FGFR3: variants seen among roughly 807,000 people sequenced by gnomAD.
FGFR3 encodes the protein FGFR-3.
FGFR3 carries 25 observed loss-of-function variants against 82.9 expected under a neutral mutation model. The ratio of observed to expected loss-of-function variants is 0.30; its 90% CI spans 0.22 to 0.42. FGFR3 has a LOEUF of 0.42. Ranked by LOEUF, FGFR3 falls within the 10% of genes least tolerant of loss-of-function variation. FGFR3 has a pLI of 1.00. For missense variants in FGFR3, 1,026 were observed against 1,161.0 expected, an observed-to-expected ratio of 0.88 and a Z score of 1.69; for synonymous variants, 620 against 516.0, an observed-to-expected ratio of 1.20 and a Z score of -2.73.
rs760018855 is a variant in FGFR3 at position 1,805,487 on chromosome 4, G to A, written c.1534+11G>A. ...TGAAGATGCTGAAAGGTGAGGAGGGGGCGGCCAGGGGTGCAGAGCAGGGCT... is the reference window on the plus strand; with the variant it reads ...TGAAGATGCTGAAAGGTGAGGAGGGAGCGGCCAGGGGTGCAGAGCAGGGCT... On this transcript the variant is annotated intron_variant, in intron 11 of 17. Coordinates refer to ENST00000440486, the MANE Select transcript of FGFR3 (RefSeq NM_000142.5). 12 of 1,611,982 alleles carry A rather than the reference G, an allele frequency of 7.4e-6. No individual in the cohort carries two copies. In the East Asian group the frequency reaches 2.2e-4, roughly 30 times the overall value.
At chr4:1,799,591 G>C in intron 3 of FGFR3, 68 bp downstream of exon 3, 1 of 1,548,682 alleles carries the variant, frequency 6.5e-7, no homozygotes, top group Non-Finnish European at 8.7e-7. Context: ...CCCTGCGTGG[G>C]TCAGGAGCGG....
chr4:1,804,400 C>G lies in FGFR3; in HGVS notation c.1146C>G (p.Gly382=), dbSNP rs762689187. The G allele has an allele frequency of 6.2e-7, 1 of 1,613,116 alleles. No homozygotes were observed. The highest frequency in any genetic ancestry group is 1.3e-5 in the African/African-American group (1 of 75,038). The part of the protein sequence containing the change: ...VYAGILSYGV[G]FFLFILVVAA... ...CAGGCATCCTCAGCTACGGGGTGGG[C>G]TTCTTCCTGTTCATCCTGGTGGTGG... is the stretch of plus-strand genomic sequence containing the variant. Residue 382 remains glycine (G), a synonymous_variant, in exon 9 of 18, where the codon GGC becomes GGG. Transcript: ENST00000440486.
chr4:1,797,080 G>GGT (rs1007159056), intron 2 of FGFR3, among the ~76,000 whole-genome samples: 1 of 152,190 alleles, frequency 6.6e-6, no homozygotes, highest in African/African-American at 2.4e-5. Flanking sequence ...CCCCGCCTTG[G>GGT]GTACAGCAGG....
chr4:1,807,255 G>A lies in FGFR3; in HGVS notation c.2414G>A (p.Arg805Gln), dbSNP rs754152095. The stretch of plus-strand genomic sequence containing the variant: ...GCCCCACCCAGCAGTGGGGGCTCGC[G>A]GACGTGAAGGGCCACTGGTCCCCAA... ...PPAPPSSGGS[R>Q]T The change falls in exon 18 of 18, where the codon CGG (arginine) becomes CAG (glutamine). Residue 805 changes from arginine (R) to glutamine (Q), a missense_variant. By Grantham distance (43) the Arg-to-Gln change is conservative. Around this residue, in one of 9 missense-constraint regions of FGFR3, gnomAD observed 155 missense variants for 150.2 expected, o/e 1.03. Transcript: ENST00000440486. The A allele has an allele frequency of 1.9e-5, 30 of 1,599,446 alleles. No homozygotes were observed. The highest frequency in any genetic ancestry group is 4.0e-5 in the African/African-American group (3 of 74,626).
chr4:1,805,873 C>T lies in FGFR3; in HGVS notation c.1769C>T (p.Thr590Ile). ...DTCKPPEEQLTFKDLVSCAYQ... is the reference protein window; with the variant it reads ...DTCKPPEEQLIFKDLVSCAYQ... ...TGCAAGCCGCCCGAGGAGCAGCTCA[C>T]CTTCAAGGACCTGGTGTCCTGTGCC... Residue 590 changes from threonine to isoleucine, a missense_variant, in exon 13 of 18, where the codon ACC becomes ATC. Thr to Ile is a moderately conservative substitution (Grantham distance 89, BLOSUM62 -1). Transcript: ENST00000440486. The T allele has an allele frequency of 1.9e-6, 3 of 1,612,774 alleles. No homozygotes were observed. The highest frequency in any genetic ancestry group is 1.1e-5 in the South Asian group (1 of 91,044).
intron 2 of FGFR3, among the ~76,000 whole-genome samples, chr4:1,794,380 C>G (rs1375894348): frequency 2.0e-5 from 3 of 152,146 alleles, no homozygotes; most frequent in African/African-American, 7.2e-5. Context: ...TGTTGTTATT[C>G]GGGTTCTGCG....
chr4:1,805,135 G>A (rs1386228048), intron 10 of FGFR3, among the ~76,000 whole-genome samples, 166 bp downstream of exon 10: 1 of 152,250 alleles, frequency 6.6e-6, no homozygotes, highest in Non-Finnish European at 1.5e-5. Flanking sequence ...GTATGGCAGG[G>A]ACTGCCCCTC....
intron 4 of FGFR3, among the ~76,000 whole-genome samples, chr4:1,800,284 TGA>T (rs1313175999): frequency 6.6e-6 from 1 of 150,784 alleles, no homozygotes; most frequent in Non-Finnish European, 1.5e-5. Context: ...GCTGCGGCTG[TGA>T]GAGAGCAGTC....
chr4:1,798,565 C>A (rs996137790), intron 2 of FGFR3, among the ~76,000 whole-genome samples: 1 of 151,724 alleles, frequency 6.6e-6, no homozygotes, highest in Non-Finnish European at 1.5e-5. Context: ...CGCGCTGCTC[C>A]GGCCTGTGCT....
chr4:1,804,478 C>T lies in FGFR3; in HGVS notation c.1224C>T (p.Ser408=), dbSNP rs769903615. The T allele has an allele frequency of 8.1e-6, 13 of 1,613,132 alleles. No individual in the cohort carries two copies. In the East Asian group the frequency reaches 1.8e-4, roughly 22 times the overall value. The change falls in exon 9 of 18, where the codon TCC becomes TCT. Residue 408 remains serine (S), a synonymous_variant. Transcript: ENST00000440486. ...LRSPPKKGLG[S]PTVHKISRFP... is the part of the protein sequence containing the mutation. ...GCCCCCCCAAGAAAGGCCTGGGCTC[C>T]CCCACCGTGCACAAGATCTCCCGCT...
chr4:1,795,666 AC>A (rs1448697606), intron 2 of FGFR3, among the ~76,000 whole-genome samples: 2 of 152,126 alleles, frequency 1.3e-5, no homozygotes, highest in Non-Finnish European at 2.9e-5. Context: ...TGCCCTGGCC[AC>A]CCCAGGCCCT....
chr4:1,803,295 C>A, intron 7 of FGFR3: 1 of 549,072 alleles, frequency 1.8e-6, no homozygotes, highest in Non-Finnish European at 3.0e-6. Context: ...ACAGGAGGTG[C>A]CCGGTGCCCA....
In FGFR3 at chr4:1,806,092, C is replaced by G. The variant is rs369137031; in HGVS notation, c.1878C>G (p.Thr626=). The G allele has an allele frequency of 6.2e-7, 1 of 1,613,656 alleles. No individual in the cohort carries two copies. The change falls in exon 14 of 18, where the codon ACC becomes ACG. Residue 626 remains threonine (T), a synonymous_variant. Transcript: ENST00000440486. ...RDLAARNVLV[T]EDNVMKIADF... Reference sequence around the variant, plus strand: ...TGGCTGCCCGCAATGTGCTGGTGACCGAGGACAACGTGATGAAGATCGCAG... The same window carrying G: ...TGGCTGCCCGCAATGTGCTGGTGACGGAGGACAACGTGATGAAGATCGCAG...
chr4:1,794,396 G>A (rs1341627364), intron 2 of FGFR3, among the ~76,000 whole-genome samples: 1 of 152,202 alleles, frequency 6.6e-6, no homozygotes, highest in East Asian at 1.9e-4. Flanking sequence ...CTGCGCAGAC[G>A]GAAAGTTCCC....
At chr4:1,799,605 G>T in intron 3 of FGFR3, 82 bp downstream of exon 3, 1 of 1,550,204 alleles carries the variant, frequency 6.5e-7, no homozygotes, top group Non-Finnish European at 8.7e-7. Flanking sequence ...GGAGCGGCTG[G>T]GGGTCTCTCT....
At chr4:1,803,546 G>A (rs957893150) in intron 7 of FGFR3, 146 bp from the exon 8 acceptor site, 14 of 1,388,006 alleles carry the variant, frequency 1.0e-5, no homozygotes, top group African/African-American at 1.4e-5. Context: ...GCCCTCAGCC[G>A]CGTGGCGGTG....
intron 10 of FGFR3, 93 bp from the exon 11 acceptor site, chr4:1,805,262 G>T: frequency 1.9e-6 from 3 of 1,584,852 alleles, no homozygotes; most frequent in East Asian, 2.2e-5. Context: ...GTGGCTCTGG[G>T]CCTCAAGGGC....
At chr4:1,797,349 T>A (rs1720635584) in intron 2 of FGFR3, among the ~76,000 whole-genome samples, 1 of 152,134 alleles carries the variant, frequency 6.6e-6, no homozygotes, top group South Asian at 2.1e-4. Flanking sequence ...CAGCCCCTGC[T>A]GGGGTACCCT....
chr4:1,801,602 GC>G lies in FGFR3; in HGVS notation c.616-15del. 2 of 1,600,066 alleles carry G rather than the reference GC, an allele frequency of 1.2e-6. No individual in the cohort carries two copies. The highest frequency in any genetic ancestry group is 8.5e-7 in the Non-Finnish European group (1 of 1,174,570). On this transcript the variant is annotated splice_polypyrimidine_tract_variant and intron_variant, in intron 5 of 17. Coordinates refer to ENST00000440486, the MANE Select transcript of FGFR3 (RefSeq NM_000142.5). ...GGTTGCTGCCTCCGCTCACTCACCC[GC>G]CCGCGTCCCGGTGCAGCTGCGGCAT...
Sources: gnomAD v4.1 joint callset for allele counts (sites outside exome capture counted in the v4.1 genomes callset) on GRCh38, gnomAD v4.1.1 for gene constraint, gnomAD v4.1.1 regional missense constraint, MANE v1.5 for transcripts, NCBI Gene and HGNC (gene_info 2026-07-23, HGNC 2026-07-21) for gene names.